The following PID1 variants were observed in gnomAD, a reference collection of about 807,000 sequenced individuals.
The protein encoded by PID1 is phosphotyrosine interaction domain containing 1, also known as PTB-containing, cubilin and LRP1-interacting protein.
In PID1, 10 loss-of-function variants were observed where a neutral mutation model predicts 19.1. The ratio of observed to expected loss-of-function variants is 0.52; its 90% CI spans 0.32 to 0.89. The LOEUF (loss-of-function observed/expected upper bound fraction) is 0.89. Among genes scored for constraint, PID1 ranks in the 40% least tolerant of loss-of-function variants. The probability of loss-of-function intolerance (pLI) is 0.03; values close to 1 mark genes in which losing one functional copy is unlikely to be tolerated. For missense variants in PID1, 248 were observed against 285.3 expected (o/e 0.87, Z 0.94); for synonymous variants, 130 against 116.0 (o/e 1.12, Z -0.78).
chr2:229,233,491 T>C (rs1277324773), intron 1 of PID1, among the ~76,000 whole-genome samples: 1 of 136 alleles, frequency 7.4e-3, no homozygotes, highest in Admixed American at 0.071. Context: ...GTGTGCTAGA[T>C]TTTTTTTTTT....
intron 2 of PID1, among the ~76,000 whole-genome samples, chr2:229,043,009 AT>A (rs397792981): frequency 1.1e-3 from 164 of 145,280 alleles, no homozygotes; most frequent in Admixed American, 3.4e-3. Context: ...AAAGGGAGAA[AT>A]TTTTTTTTTT....
chr2:229,076,104 A>G (rs1328912975), intron 2 of PID1, among the ~76,000 whole-genome samples: 1 of 152,230 alleles, frequency 6.6e-6, no homozygotes, highest in Non-Finnish European at 1.5e-5. Context: ...TTAATTCATT[A>G]GTCCATACCA....
chr2:229,146,959 C>T (rs919200181), intron 2 of PID1, among the ~76,000 whole-genome samples: 1 of 152,208 alleles, frequency 6.6e-6, no homozygotes, highest in South Asian at 2.1e-4. Context: ...ACCTGGATTT[C>T]TGTCCCATGA....
chr2:229,139,732 AT>A (rs1689971659), intron 2 of PID1, among the ~76,000 whole-genome samples: 1 of 152,150 alleles, frequency 6.6e-6, no homozygotes, highest in Non-Finnish European at 1.5e-5. Flanking sequence ...TTTCATTTTA[AT>A]GTCTTTAACA....
chr2:229,093,566 G>A (rs1250629238), intron 2 of PID1, among the ~76,000 whole-genome samples: 1 of 152,158 alleles, frequency 6.6e-6, no homozygotes, highest in Admixed American at 6.5e-5. Context: ...TGCAGATCTT[G>A]GTTGAGCTTA....
chr2:229,065,729 A>AAAAAAAAAAAAAAT, intron 2 of PID1, among the ~76,000 whole-genome samples: 1 of 140,738 alleles, frequency 7.1e-6, no homozygotes, highest in Admixed American at 7.7e-5. Context: ...AAAAAAAAAA[A>AAAAAAAAAAAAAAT]AAACAGGTTG....
At chr2:229,036,762 C>G (rs1399051279) in intron 2 of PID1, among the ~76,000 whole-genome samples, 2 of 152,028 alleles carry the variant, frequency 1.3e-5, no homozygotes, top group African/African-American at 4.8e-5. Context: ...AAACAAAACA[C>G]AACAAAACAA....
chr2:229,065,626 T>C (rs1694307680), intron 2 of PID1, among the ~76,000 whole-genome samples: 1 of 151,224 alleles, frequency 6.6e-6, no homozygotes, highest in African/African-American at 2.4e-5. Flanking sequence ...TGTTCAAGGT[T>C]TATTGAGGTC....
At chr2:229,052,697 T>C (rs991757650) in intron 2 of PID1, among the ~76,000 whole-genome samples, 14 of 148,640 alleles carry the variant, frequency 9.4e-5, no homozygotes, top group East Asian at 7.8e-4. Flanking sequence ...TGGGAAATGT[T>C]CATTTCAAGC....
Position 229,213,576 on chromosome 2 carries a change from C to A in PID1, c.30+57438G>T, listed in dbSNP as rs557389969. Among the ~76,000 whole-genome samples the A allele has an allele frequency of 3.9e-5, 6 of 152,318 alleles. No homozygotes were observed. The South Asian group carries it at 1.2e-3, about 32-fold the overall frequency. ...CAAGAATAGCAAATTGCTCACAATT[C>A]TTCCAAGCAGTTTCTCAGTCAATAA... On this transcript the variant is annotated intron_variant, in intron 1 of 2. Transcript: ENST00000392055.
chr2:229,201,788 C>A (rs964962899), intron 1 of PID1, among the ~76,000 whole-genome samples: 63 of 152,214 alleles, frequency 4.1e-4, no homozygotes, highest in African/African-American at 1.5e-3. Flanking sequence ...ACCACCAATA[C>A]TTACTTCTGG....
At chr2:229,067,204 G>T (rs962889110) in intron 2 of PID1, among the ~76,000 whole-genome samples, 3 of 152,126 alleles carry the variant, frequency 2.0e-5, no homozygotes, top group Non-Finnish European at 4.4e-5. Flanking sequence ...AGAACAGCAT[G>T]GGGGTAACTG....
At chr2:229,150,474 C>A (rs556201980) in intron 2 of PID1, among the ~76,000 whole-genome samples, 4 of 152,182 alleles carry the variant, frequency 2.6e-5, no homozygotes, top group Admixed American at 6.5e-5. Flanking sequence ...GATTCAGTCC[C>A]AAACAGGAGA....
At chr2:229,122,313 A>C (rs1230837797) in intron 2 of PID1, among the ~76,000 whole-genome samples, 1 of 152,188 alleles carries the variant, frequency 6.6e-6, no homozygotes, top group African/African-American at 2.4e-5. Flanking sequence ...AGTCCATACA[A>C]TATTTGGCTT....
In PID1 at chr2:229,234,926, C is replaced by T. The variant is rs553551333; in HGVS notation, c.30+36088G>A. Reference sequence around the variant, plus strand: ...TCATAAATATTAATAGCAATTCTTACATCATTAGTGACTACAAGTCCAGTT... The same window carrying T: ...TCATAAATATTAATAGCAATTCTTATATCATTAGTGACTACAAGTCCAGTT... On this transcript the variant is annotated intron_variant, in intron 1 of 2. Transcript: ENST00000392055. Among the ~76,000 whole-genome samples the T allele has an allele frequency of 4.6e-5, 7 of 152,290 alleles. No homozygotes were observed. The South Asian group carries it at 1.0e-3, about 23-fold the overall frequency.
chr2:229,136,533 TC>T (rs1220267445), intron 2 of PID1, among the ~76,000 whole-genome samples: 1 of 152,212 alleles, frequency 6.6e-6, no homozygotes, highest in Non-Finnish European at 1.5e-5. Context: ...AGTGTAATTT[TC>T]CCCCTCTCAA....
chr2:229,212,493 T>C (rs1294881674), intron 1 of PID1, among the ~76,000 whole-genome samples: 1 of 152,236 alleles, frequency 6.6e-6, no homozygotes. Context: ...CTCTGTGTTC[T>C]ATCTAGAGCT....
chr2:229,040,932 G>A (rs977446529), intron 2 of PID1, among the ~76,000 whole-genome samples: 1 of 152,190 alleles, frequency 6.6e-6, no homozygotes. Context: ...AATATGCAAA[G>A]CAGGGAGGCT....
At chr2:229,131,098 GC>G (rs1250722096) in intron 2 of PID1, among the ~76,000 whole-genome samples, 1 of 152,176 alleles carries the variant, frequency 6.6e-6, no homozygotes, top group African/African-American at 2.4e-5. Context: ...TTCCAAATAT[GC>G]TCACATTCTG....
Sources: allele counts gnomAD v4.1 joint callset (sites outside exome capture counted in the v4.1 genomes callset), GRCh38; gene constraint gnomAD v4.1.1; transcripts MANE v1.5; gene names NCBI Gene and HGNC (gene_info 2026-07-23, HGNC 2026-07-21).